The following ABCC6 variants were observed in gnomAD, a reference collection of about 807,000 sequenced individuals.
The protein encoded by ABCC6 is ATP binding cassette subfamily C member 6, also known as ATP-binding cassette sub-family C member 6.
A neutral mutation model predicts 169.5 loss-of-function variants in ABCC6; 126 were observed. The ratio of observed to expected loss-of-function variants is 0.74; its 90% CI spans 0.64 to 0.86. The LOEUF (loss-of-function observed/expected upper bound fraction) is 0.86. Among genes scored for constraint, ABCC6 ranks in the 40% least tolerant of loss-of-function variants. ABCC6 has a pLI of 0.00. For missense variants in ABCC6, 1,733 were observed against 1,927.2 expected (o/e 0.90, Z 1.89); for synonymous variants, 752 against 814.7 (o/e 0.92, Z 1.31).
At chr16:16,168,308 C>CTTTGGGAGGTTGA (rs1417580651) in intron 22 of ABCC6, among the ~76,000 whole-genome samples, 95 of 6,926 alleles carry the variant, frequency 0.014, no homozygotes, top group Non-Finnish European at 0.04. Flanking sequence ...CTGGGCAACA[C>CTTTGGGAGGTTGA]GGCGAAACCG....
At chr16:16,156,638 T>C (rs1394742675) in intron 27 of ABCC6, among the ~76,000 whole-genome samples, 1 of 152,062 alleles carries the variant, frequency 6.6e-6, no homozygotes, top group Non-Finnish European at 1.5e-5. Context: ...ACATGCAGTG[T>C]CATTCATGCT....
In ABCC6 at chr16:16,177,653, A is replaced by T. The variant is rs370950303; in HGVS notation, c.2416-27T>A. On this transcript the variant is annotated intron_variant, in intron 18 of 30. Transcript: ENST00000205557. The stretch of plus-strand genomic sequence containing the variant: ...TGGGCAGGGAAGGGGTAGAAGTTAC[A>T]CACATGTGGCCGGGTGCAGTGGCTC... 5 of 1,613,470 alleles carry T rather than the reference A, an allele frequency of 3.1e-6. No individual in the cohort carries two copies. In the African/African-American group the frequency reaches 5.3e-5, roughly 17 times the overall value.
At chr16:16,188,199 G>A (rs990659940) in intron 13 of ABCC6, among the ~76,000 whole-genome samples, 1 of 148,474 alleles carries the variant, frequency 6.7e-6, no homozygotes, top group African/African-American at 2.5e-5. Context: ...GGCCAACATG[G>A]TGAAATCTCA....
chr16:16,217,069 T>A (rs1189323445), intron 4 of ABCC6, among the ~76,000 whole-genome samples: 3 of 152,224 alleles, frequency 2.0e-5, no homozygotes, highest in Non-Finnish European at 4.4e-5. Flanking sequence ...ATGAACCCCC[T>A]TGACTTACCC....
chr16:16,168,449 G>A (rs1318337080), intron 22 of ABCC6, among the ~76,000 whole-genome samples: 1 of 152,188 alleles, frequency 6.6e-6, no homozygotes, highest in Admixed American at 6.5e-5. Flanking sequence ...TCGTGCCACT[G>A]CATTCCAGCC....
chr16:16,165,946 A>G lies in ABCC6; in HGVS notation c.2996-13T>C. On this transcript the variant is annotated splice_polypyrimidine_tract_variant and intron_variant, in intron 22 of 30. Coordinates refer to ENST00000205557, the MANE Select transcript of ABCC6 (RefSeq NM_001171.6). ...AACAGCCCAATGGCTGGGGAGGGAGAGGAGGTAAGAGCATGAGGGCTGGAG... is the reference window on the plus strand; with the variant it reads ...AACAGCCCAATGGCTGGGGAGGGAGGGGAGGTAAGAGCATGAGGGCTGGAG... 2.5e-6 allele frequency: 4 copies of G among 1,611,820 alleles called. No individual in the cohort carries two copies. The highest frequency in any genetic ancestry group is 3.4e-6 in the Non-Finnish European group (4 of 1,179,546).
At position 16,185,225 on chromosome 16, in the gene ABCC6, G is replaced by A. The variant is rs187763325; in HGVS notation, c.1868-191C>T. 1.9e-3 allele frequency among the ~76,000 whole-genome samples: 289 copies of A among 152,316 alleles called. 2 individuals are homozygous for A. Among genetic ancestry groups the A allele is most frequent in the African/African-American group, 6.5e-3 (272 of 41,564 alleles). ...CCCGCAGGGTTCTTGTTCTGTCCGT[G>A]TCCCATGGCTACATAATCCAGGGGG... On this transcript the variant is annotated intron_variant, in intron 14 of 30. Coordinates refer to ENST00000205557, the MANE Select transcript of ABCC6 (RefSeq NM_001171.6).
chr16:16,173,374 A>G lies in ABCC6; in HGVS notation c.2697T>C (p.Arg899=), dbSNP rs552531659. ...CCTCTGTCTGGGCTTCTGAAGTGGT[A>G]CGGTCCTTCTCAGGGACTGACTTGA... ...RSIKSVPEKD[R]TTSEAQTEVP... The change falls in exon 21 of 31, where the codon CGT becomes CGC. Residue 899 remains arginine (R), a synonymous_variant. Transcript: ENST00000205557. The G allele has an allele frequency of 1.2e-6, 2 of 1,614,098 alleles. No homozygotes were observed. The highest frequency in any genetic ancestry group is 1.7e-5 in the Admixed American group (1 of 60,010).
rs748551497 is a variant in ABCC6, at chr16:16,169,707, A to G, written c.2934T>C (p.Gly978=). The G allele has an allele frequency of 3.7e-6, 6 of 1,611,352 alleles. No individual in the cohort carries two copies. In the Admixed American group the frequency reaches 1.0e-4, roughly 27 times the overall value. ...LSLWADDPAV[G]GQQTQAALRG... is the part of the protein sequence containing the mutation. Reference sequence around the variant, plus strand: ...GCAGGGCTGCCTGCGTCTGCTGCCCACCTACTGCAGGGTCGTCCGCCCACA... The same window carrying G: ...GCAGGGCTGCCTGCGTCTGCTGCCCGCCTACTGCAGGGTCGTCCGCCCACA... Residue 978 remains glycine (G), a synonymous_variant, in exon 22 of 31, where the codon GGT becomes GGC. Coordinates refer to ENST00000205557, the MANE Select transcript of ABCC6 (RefSeq NM_001171.6).
At chr16:16,165,374 T>C (rs546526067) in intron 23 of ABCC6, among the ~76,000 whole-genome samples, 2 of 152,294 alleles carry the variant, frequency 1.3e-5, no homozygotes, top group East Asian at 1.9e-4. Context: ...TGATCACCTA[T>C]TGCACTTCAG....
intron 28 of ABCC6, 31 bp from the exon 29 acceptor site, chr16:16,154,825 G>A (rs1441601176): frequency 6.2e-7 from 1 of 1,608,876 alleles, no homozygotes; most frequent in East Asian, 2.2e-5. Flanking sequence ...GTCAGAGCCG[G>A]GTCCCACCAT....
chr16:16,181,403 C>T lies in ABCC6; in HGVS notation c.2247+1009G>A, dbSNP rs184866957. On this transcript the variant is annotated intron_variant, in intron 17 of 30. Coordinates refer to ENST00000205557, the MANE Select transcript of ABCC6 (RefSeq NM_001171.6). ...CAGGTGCAGGTGTAGGGTGCACTAA[C>T]AATAGTAGGGTGGCTGTGGTGGTAG... Among the ~76,000 whole-genome samples the T allele has an allele frequency of 1.9e-3, 283 of 146,134 alleles. 1 individual carries two copies. Among genetic ancestry groups the T allele is most frequent in the African/African-American group, 6.8e-3 (266 of 39,268 alleles).
chr16:16,163,752 G>A (rs559760887), intron 23 of ABCC6, among the ~76,000 whole-genome samples: 1 of 152,292 alleles, frequency 6.6e-6, no homozygotes, highest in South Asian at 2.1e-4. Context: ...CAGGCAGGGA[G>A]GAACTGAATT....
At chr16:16,191,889 T>C (rs2047872305) in intron 11 of ABCC6, among the ~76,000 whole-genome samples, 1 of 152,114 alleles carries the variant, frequency 6.6e-6, no homozygotes, top group African/African-American at 2.4e-5. Context: ...ACTAACTAGA[T>C]GCCGAGTTGG....
chr16:16,150,204 C>T lies in ABCC6; in HGVS notation c.4441G>A (p.Gly1481Ser), dbSNP rs63751279. ...TGGGCCAGCAGCTGGGCCGGGCTGC[C>T]GCTCTCTGCCACCTGCCCCTTGTCC... is the stretch of plus-strand genomic sequence containing the variant. ...VMDKGQVAESGSPAQLLAQKG... is the reference protein window; with the variant it reads ...VMDKGQVAESSSPAQLLAQKG... Residue 1481 changes from glycine to serine, a missense_variant, in exon 31 of 31, where the codon GGC becomes AGC. Gly to Ser is a moderately conservative substitution (Grantham distance 56). Transcript: ENST00000205557. 4.3e-5 allele frequency: 70 copies of T among 1,613,884 alleles called. No individual in the cohort carries two copies. The East Asian group carries it at 5.3e-4, about 12-fold the overall frequency.
chr16:16,222,072 C>G (rs4780621), intron 1 of ABCC6, among the ~76,000 whole-genome samples: 24 of 152,298 alleles, frequency 1.6e-4, no homozygotes, highest in South Asian at 4.1e-4. Flanking sequence ...ACTTTGCTGA[C>G]TTTACCCAGC....
In ABCC6 at chr16:16,203,518, C is replaced by T. The variant is rs199729978; in HGVS notation, c.890G>A (p.Arg297His). ...PFLRQEGSQW[R>H]PLLKAIWQVF... ...CTGCCAGATGGCCTTCAGCAGTGGGCGCCACTGGCTCCCTTCTTGCCGTAG... is the reference window on the plus strand; with the variant it reads ...CTGCCAGATGGCCTTCAGCAGTGGGTGCCACTGGCTCCCTTCTTGCCGTAG... Residue 297 changes from arginine (R) to histidine (H), a missense_variant, in exon 8 of 31, where the codon CGC becomes CAC. Physicochemically the swap from Arg to His is conservative, Grantham distance 29. Transcript: ENST00000205557. The T allele has an allele frequency of 1.0e-4, 165 of 1,613,942 alleles. 1 individual carries two copies. The Middle Eastern group carries it at 1.2e-3, about 11-fold the overall frequency.
In ABCC6 at chr16:16,163,154, C is replaced by T. The variant is rs763644344; in HGVS notation, c.3345G>A (p.Leu1115=). 13 of 1,613,582 alleles carry T rather than the reference C, an allele frequency of 8.1e-6. No homozygotes were observed. The highest frequency in any genetic ancestry group is 1.3e-5 in the African/African-American group (1 of 74,910). The change falls in exon 24 of 31, where the codon TTG becomes TTA. Residue 1115 remains leucine (L), a synonymous_variant. Coordinates refer to ENST00000205557, the MANE Select transcript of ABCC6 (RefSeq NM_001171.6). ...YVVSSCQLRR[L]ESASYSSVCS... ...AGACAGACGAGTAGCTGGCTGACTC[C>T]AAGCGTCTCAGCTGGCATGAGCTAA...
chr16:16,174,257 A>G (rs937016504), intron 20 of ABCC6, among the ~76,000 whole-genome samples: 1 of 152,212 alleles, frequency 6.6e-6, no homozygotes, highest in Non-Finnish European at 1.5e-5. Context: ...TCAGCCAATC[A>G]AAGGCAACCA....
Sources: allele counts gnomAD v4.1 joint callset (sites outside exome capture counted in the v4.1 genomes callset), GRCh38; gene constraint gnomAD v4.1.1; transcripts MANE v1.5; gene names NCBI Gene and HGNC (gene_info 2026-07-23, HGNC 2026-07-21).